The following PPM1B variants were observed in gnomAD, a reference collection of about 807,000 sequenced individuals.
PPM1B encodes protein phosphatase, Mg2+/Mn2+ dependent 1B.
Under a neutral mutation model 43.0 loss-of-function variants are expected in PPM1B, and 22 were observed. The observed-to-expected ratio is 0.51, with a 90% CI of 0.37 to 0.73. The LOEUF (loss-of-function observed/expected upper bound fraction) is 0.73. Among genes scored for constraint, PPM1B ranks in the 30% least tolerant of loss-of-function variants. The pLI, the probability that PPM1B is intolerant of heterozygous loss-of-function variation, is 0.00. For synonymous variants in PPM1B, 217 were observed against 197.9 expected (o/e 1.10, Z -0.81); for missense variants, 632 against 584.2 (o/e 1.08, Z -0.84).
At chr2:44,200,330 A>G (rs1328920203) in intron 1 of PPM1B, among the ~76,000 whole-genome samples, 2 of 152,190 alleles carry the variant, frequency 1.3e-5, no homozygotes, top group Non-Finnish European at 2.9e-5. Flanking sequence ...TCTAAGTCTA[A>G]TCTAAGTCAT....
In PPM1B at chr2:44,188,695, T is replaced by TTGCC. The variant is rs575517297; in HGVS notation, c.-14-12475_-14-12472dup. On this transcript the variant is annotated intron_variant, in intron 1 of 5. Coordinates refer to ENST00000282412, the MANE Select transcript of PPM1B (RefSeq NM_002706.6). ...ACAGGCATGAGCCACTATGCCCAGT[T>TTGCC]TGCCTGCCTGCCTGCCTGCTTTCCT... is the stretch of plus-strand genomic sequence containing the variant. 1.2e-3 allele frequency among the ~76,000 whole-genome samples: 189 copies of TTGCC among 151,304 alleles called. 1 individual carries two copies. The highest frequency in any genetic ancestry group is 4.2e-3 in the African/African-American group (174 of 41,250).
chr2:44,233,364 A>G (rs1670523251), downstream of PPM1B: 4 of 984,084 alleles, frequency 4.1e-6, no homozygotes, highest in African/African-American at 7.0e-5. Context: ...GGCACGGTAC[A>G]GAGTGATTGT....
intron 5 of PPM1B, chr2:44,230,070 G>C: frequency 6.5e-7 from 1 of 1,542,936 alleles, no homozygotes; most frequent in East Asian, 2.3e-5. Context: ...ATTTTCTTTT[G>C]TACTAAATCA....
chr2:44,196,091 T>C (rs1668649274), intron 1 of PPM1B, among the ~76,000 whole-genome samples: 1 of 152,194 alleles, frequency 6.6e-6, no homozygotes, highest in Admixed American at 6.5e-5. Context: ...AATGAGCCAA[T>C]ACTGATACAT....
At chr2:44,217,187 G>A (rs534396951) in intron 3 of PPM1B, among the ~76,000 whole-genome samples, 7 of 152,026 alleles carry the variant, frequency 4.6e-5, no homozygotes, top group Admixed American at 1.3e-4. Flanking sequence ...ATCACCTGAG[G>A]TTGGGAGTTT....
chr2:44,171,894 T>C (rs903697615), intron 1 of PPM1B, among the ~76,000 whole-genome samples: 3 of 151,674 alleles, frequency 2.0e-5, no homozygotes, highest in Non-Finnish European at 4.4e-5. Flanking sequence ...TATTTTAAAG[T>C]ATTTTGTGAC....
intron 3 of PPM1B, chr2:44,213,775 A>G (rs531067208): frequency 1.2e-4 from 18 of 152,310 alleles, no homozygotes; most frequent in African/African-American, 4.1e-4. Context: ...CACATTGAAG[A>G]TTATGTCAGA....
intron 1 of PPM1B, among the ~76,000 whole-genome samples, chr2:44,179,094 A>G (rs933691468): frequency 1.3e-5 from 2 of 152,150 alleles, no homozygotes; most frequent in African/African-American, 4.8e-5. Context: ...TTCTCATGAT[A>G]ATGAGTAAGT....
chr2:44,175,553 C>G (rs1667542349), intron 1 of PPM1B, among the ~76,000 whole-genome samples: 1 of 152,140 alleles, frequency 6.6e-6, no homozygotes, highest in South Asian at 2.1e-4. Context: ...ATTCTGTTAA[C>G]CAGCAACTCA....
chr2:44,181,531 A>C (rs1001699972), intron 1 of PPM1B, among the ~76,000 whole-genome samples: 1 of 152,216 alleles, frequency 6.6e-6, no homozygotes, highest in Non-Finnish European at 1.5e-5. Flanking sequence ...TAGATAATCA[A>C]TGCATTATGT....
chr2:44,245,623 GC>G (rs1318529217), downstream of PPM1B, among the ~76,000 whole-genome samples: 1 of 152,096 alleles, frequency 6.6e-6, no homozygotes, highest in African/African-American at 2.4e-5. Context: ...AAAACCACCT[GC>G]CTTCTTAATT....
At chr2:44,191,085 C>G (rs1403464563) in intron 1 of PPM1B, among the ~76,000 whole-genome samples, 2 of 152,158 alleles carry the variant, frequency 1.3e-5, no homozygotes, top group Admixed American at 6.6e-5. Context: ...TCACTATTTC[C>G]CTAGAAGTAA....
At chr2:44,172,797 C>A (rs888638158) in intron 1 of PPM1B, among the ~76,000 whole-genome samples, 3 of 152,090 alleles carry the variant, frequency 2.0e-5, no homozygotes, top group African/African-American at 7.2e-5. Flanking sequence ...TAGTTAGCTG[C>A]TTGGGAGGCT....
chr2:44,219,924 C>G (rs1227238550), intron 5 of PPM1B, among the ~76,000 whole-genome samples: 3 of 146,506 alleles, frequency 2.0e-5, no homozygotes, highest in Non-Finnish European at 3.0e-5. Context: ...CCCTGGGCAA[C>G]AAGAGCGAAA....
intron 1 of PPM1B, among the ~76,000 whole-genome samples, chr2:44,199,012 A>C (rs1340956134): frequency 1.3e-5 from 2 of 152,122 alleles, no homozygotes; most frequent in Non-Finnish European, 2.9e-5. Context: ...TGATCCTAGC[A>C]CTTTGGGAGG....
intron 1 of PPM1B, among the ~76,000 whole-genome samples, chr2:44,197,976 T>C (rs1278807419): frequency 6.6e-6 from 1 of 152,126 alleles, no homozygotes; most frequent in Non-Finnish European, 1.5e-5. Flanking sequence ...ATTTTATCCA[T>C]GAGCCTGAAG....
At chr2:44,172,195 A>T (rs2103986362) in intron 1 of PPM1B, among the ~76,000 whole-genome samples, 1 of 152,304 alleles carries the variant, frequency 6.6e-6, no homozygotes, top group Non-Finnish European at 1.5e-5. Context: ...TTCACACTGT[A>T]CCTGATTTCT....
At position 44,173,381 on chromosome 2, in the gene PPM1B, A is replaced by G. The variant is rs932718571; in HGVS notation, c.-15+4107A>G. Among the ~76,000 whole-genome samples, 18 of 152,292 alleles carry G rather than the reference A, an allele frequency of 1.2e-4. No individual in the cohort carries two copies. In the East Asian group the frequency reaches 3.3e-3, roughly 28 times the overall value. ...ACATAAATACTGTACAATAACTTAT[A>G]TACTTTTTTTCTTTTTAGTTTTCTT... On this transcript the variant is annotated intron_variant, in intron 1 of 5. Coordinates refer to ENST00000282412, the MANE Select transcript of PPM1B (RefSeq NM_002706.6).
At chr2:44,243,968 A>G (rs1485127116) in intron 5 of PPM1B, among the ~76,000 whole-genome samples, 1 of 152,122 alleles carries the variant, frequency 6.6e-6, no homozygotes, top group African/African-American at 2.4e-5. Flanking sequence ...GGAAGATGCT[A>G]CATCTTTCTA....
Sources: gnomAD v4.1 joint callset for allele counts (sites outside exome capture counted in the v4.1 genomes callset) on GRCh38, gnomAD v4.1.1 for gene constraint, MANE v1.5 for transcripts, NCBI Gene and HGNC (gene_info 2026-07-23, HGNC 2026-07-21) for gene names.